Variants in NUP214 observed in about 807,000 individuals in gnomAD.
NUP214 encodes nucleoporin 214, also known as nuclear pore complex protein Nup214.
Under a neutral mutation model 196.2 loss-of-function variants are expected in NUP214, and 79 were observed. The ratio of observed to expected loss-of-function variants is 0.40; its 90% CI spans 0.34 to 0.49. The LOEUF (loss-of-function observed/expected upper bound fraction) is 0.49. Ranked by LOEUF, NUP214 falls within the 20% of genes least tolerant of loss-of-function variation. The pLI, the probability that NUP214 is intolerant of heterozygous loss-of-function variation, is 0.58. For missense variants in NUP214, 2,468 were observed against 2,539.0 expected, an observed-to-expected ratio of 0.97 and a Z score of 0.60; for synonymous variants, 1,020 against 990.5, an observed-to-expected ratio of 1.03 and a Z score of -0.56.
intron 30 of NUP214, among the ~76,000 whole-genome samples, chr9:131,209,966 G>A (rs1834192586): frequency 6.6e-6 from 1 of 152,180 alleles, no homozygotes; most frequent in South Asian, 2.1e-4. Context: ...CCTAAGTGGA[G>A]ACTGTTGGGC....
chr9:131,194,881 C>T (rs1003754472), intron 27 of NUP214, among the ~76,000 whole-genome samples: 8 of 152,224 alleles, frequency 5.3e-5, no homozygotes, highest in African/African-American at 1.9e-4. Context: ...AGACCATCTG[C>T]TCCGGCCACC....
At chr9:131,172,840 T>C (rs1446041509) in intron 21 of NUP214, among the ~76,000 whole-genome samples, 1 of 152,104 alleles carries the variant, frequency 6.6e-6, no homozygotes, top group African/African-American at 2.4e-5. Flanking sequence ...GACACAAAAG[T>C]CAATAAATAT....
chr9:131,164,654 C>G (rs1243822281), intron 21 of NUP214: 1 of 152,630 alleles, frequency 6.6e-6, no homozygotes, highest in East Asian at 1.9e-4. Flanking sequence ...CCTCAGCCTC[C>G]CAGAGTGCTG....
chr9:131,190,428 C>T (rs778209897), intron 26 of NUP214: 98 of 692,410 alleles, frequency 1.4e-4, no homozygotes, highest in Non-Finnish European at 1.8e-5. Context: ...CATTGCTGAT[C>T]ATGAAATCCT....
At chr9:131,228,613 A>G (rs1834789499) in intron 33 of NUP214, 2 of 313,736 alleles carry the variant, frequency 6.4e-6, no homozygotes, top group East Asian at 1.3e-4. Flanking sequence ...GGCTAAAGGA[A>G]GGCACCAGCC....
At chr9:131,162,550 T>A (rs1490557078) in intron 18 of NUP214, among the ~76,000 whole-genome samples, 1 of 152,216 alleles carries the variant, frequency 6.6e-6, no homozygotes, top group Non-Finnish European at 1.5e-5. Flanking sequence ...GTCCCCCTAT[T>A]TCTTGACAAT....
Position 131,175,758 on chromosome 9 carries a change from C to T in NUP214, c.3319+137C>T, listed in dbSNP as rs575627115. 12 of 1,282,928 alleles carry T rather than the reference C, an allele frequency of 9.4e-6. No individual in the cohort carries two copies. In the South Asian group the frequency reaches 1.2e-4, roughly 13 times the overall value. The allele number at this position is 1,282,928 out of a possible 1,614,324, so 79.5% of individuals were successfully genotyped here. A position where few individuals can be genotyped will look rare whatever the true frequency, so the allele number is the denominator to read the frequency against. On this transcript the variant is annotated intron_variant, in intron 23 of 35. Coordinates refer to ENST00000359428, the MANE Select transcript of NUP214 (RefSeq NM_005085.4). ...GAGAAGATTGATGTGACAGCCCTCT[C>T]CCCTTTGTGGAGAGAGTTCTAAGAA...
intron 25 of NUP214, among the ~76,000 whole-genome samples, 165 bp from the exon 26 acceptor site, chr9:131,188,883 CTTAAA>C (rs779417577): frequency 6.6e-5 from 10 of 152,166 alleles, no homozygotes; most frequent in Non-Finnish European, 1.3e-4. Flanking sequence ...ATATGGTTAA[CTTAAA>C]TTGAGACCTT....
In NUP214 at chr9:131,174,257, A is replaced by C. The variant is rs1468343654; in HGVS notation, c.3096A>C (p.Ala1032=). ...PSIQPSLLPH[A]APFAKSHLVH... is the part of the protein sequence containing the mutation. ...TCCAGCCCAGTCTCTTGCCCCATGC[A>C]GCACCTTTTGCTAAATCTCACCTGG... Residue 1032 remains alanine, a synonymous_variant, in exon 22 of 36, where the codon GCA becomes GCC. Coordinates refer to ENST00000359428, the MANE Select transcript of NUP214 (RefSeq NM_005085.4). 6.2e-7 allele frequency: 1 copy of C among 1,613,992 alleles called. No homozygotes were observed. The highest frequency in any genetic ancestry group is 1.7e-5 in the Admixed American group (1 of 59,968).
chr9:131,178,328 G>GA lies in NUP214; in HGVS notation c.3339dup (p.Ser1114IlefsTer18). ...TAAATTAGCTGTAAACACTTTGACT[G>GA]AATCAACGTTGAAGAATGTCCCTCA... On this transcript the variant is annotated frameshift_variant, in exon 24 of 36. Transcript: ENST00000359428. LOFTEE classifies it high-confidence loss of function. 6.2e-7 allele frequency: 1 copy of GA among 1,613,424 alleles called. No homozygotes were observed. The highest frequency in any genetic ancestry group is 8.5e-7 in the Non-Finnish European group (1 of 1,179,398).
intron 17 of NUP214, among the ~76,000 whole-genome samples, chr9:131,157,836 G>A (rs1366778355): frequency 6.6e-6 from 1 of 151,906 alleles, no homozygotes; most frequent in Admixed American, 6.6e-5. Context: ...AGTAGAGATG[G>A]GGTTTCACCG....
intron 6 of NUP214, 81 bp downstream of exon 6, chr9:131,132,740 C>G: frequency 8.5e-7 from 1 of 1,179,480 alleles, no homozygotes; most frequent in South Asian, 1.2e-5. Flanking sequence ...TGTAATGTAC[C>G]TGCTCAGTGA....
intron 31 of NUP214, among the ~76,000 whole-genome samples, chr9:131,221,142 C>G (rs1564218250): frequency 6.6e-6 from 1 of 152,184 alleles, no homozygotes; most frequent in Non-Finnish European, 1.5e-5. Context: ...TAACTTTGGG[C>G]TAGCTCGATA....
Position 131,215,338 on chromosome 9 carries a change from A to G in NUP214, c.5719A>G (p.Ser1907Gly). The G allele has an allele frequency of 1.2e-6, 2 of 1,602,622 alleles. No homozygotes were observed. The highest frequency in any genetic ancestry group is 2.2e-5 in the South Asian group (2 of 89,552). ...CAACAAAAACCCATTCAGCTCGGCC[A>G]GTGGGGGCTTTGGATCCACAGCTAC... is the stretch of plus-strand genomic sequence containing the variant. ...AANKNPFSSA[S>G]GGFGSTATSN... The change falls in exon 31 of 36, where the codon AGT becomes GGT. Residue 1907 changes from serine (S) to glycine (G), a missense_variant. By Grantham distance (56) the Ser-to-Gly change is moderately conservative. This residue lies in a region of NUP214 where 262 missense variants were observed against 296.5 expected (regional missense o/e 0.88). Coordinates refer to ENST00000359428, the MANE Select transcript of NUP214 (RefSeq NM_005085.4).
At chr9:131,170,899 GCACTTTCT>G (rs1007929335) in intron 21 of NUP214, among the ~76,000 whole-genome samples, 90 of 152,050 alleles carry the variant, frequency 5.9e-4, no homozygotes, top group Admixed American at 2.4e-3. Context: ...CTCAAAAGGA[GCACTTTCT>G]ATAGTTCATC....
intron 32 of NUP214, among the ~76,000 whole-genome samples, chr9:131,224,315 C>G (rs1005218556): frequency 6.6e-6 from 1 of 151,880 alleles, no homozygotes; most frequent in Admixed American, 6.5e-5. Flanking sequence ...TGCCTCTCCA[C>G]CCTGTTTCTG....
chr9:131,197,671 A>G lies in NUP214; in HGVS notation c.4177A>G (p.Thr1393Ala), dbSNP rs778297058. The change falls in exon 29 of 36, where the codon ACC (threonine) becomes GCC (alanine). Residue 1393 changes from threonine (T) to alanine (A), a missense_variant. By Grantham distance (58) the Thr-to-Ala change is moderately conservative (BLOSUM62 0). This residue lies in a region of NUP214 where 1,801 missense variants were observed against 1,779.4 expected (regional missense o/e 1.01). Transcript: ENST00000359428. ...HTEPPVTSSATTTSVAPPAAT... is the reference protein window; with the variant it reads ...HTEPPVTSSAATTSVAPPAAT... ...GGAGCCCCCTGTGACATCCTCTGCAACCACCACCTCAGTAGCACCACCAGC... is the reference window on the plus strand; with the variant it reads ...GGAGCCCCCTGTGACATCCTCTGCAGCCACCACCTCAGTAGCACCACCAGC... The G allele has an allele frequency of 1.2e-6, 2 of 1,614,136 alleles. No homozygotes were observed. The highest frequency in any genetic ancestry group is 1.7e-5 in the Admixed American group (1 of 60,018).
chr9:131,131,087 CTTT>C (rs1054177669), intron 5 of NUP214, among the ~76,000 whole-genome samples: 4 of 151,818 alleles, frequency 2.6e-5, no homozygotes, highest in South Asian at 4.1e-4. Flanking sequence ...TGGGTAGCTG[CTTT>C]TTTTTTGTTG....
intron 26 of NUP214, chr9:131,191,373 CAGG>C (rs2131030715): frequency 6.6e-6 from 1 of 152,276 alleles, no homozygotes; most frequent in African/African-American, 2.4e-5. Context: ...GAGGCTGAGG[CAGG>C]AGAATTGCTT....
Sources: allele counts gnomAD v4.1 joint callset (sites outside exome capture counted in the v4.1 genomes callset), GRCh38; gene constraint gnomAD v4.1.1; regional missense constraint gnomAD v4.1.1; transcripts MANE v1.5; gene names NCBI Gene and HGNC (gene_info 2026-07-23, HGNC 2026-07-21).